Variants in POM121C observed in about 807,000 individuals in gnomAD.
POM121C encodes the protein nuclear envelope pore membrane protein POM 121C.
In POM121C, 20 loss-of-function variants were observed where a neutral mutation model predicts 66.4. The observed-to-expected ratio is 0.30, with a 90% CI of 0.21 to 0.44. The LOEUF is 0.44. Ranked by LOEUF, POM121C falls within the 20% of genes least tolerant of loss-of-function variation. The probability of loss-of-function intolerance (pLI) is 1.00; values close to 1 mark genes in which losing one functional copy is unlikely to be tolerated. For missense variants in POM121C, 580 were observed against 1,225.7 expected (o/e 0.47, Z 7.87); for synonymous variants, 286 against 528.0 (o/e 0.54, Z 6.28).
At chr7:75,459,094 T>C (rs1305259724) in intron 3 of POM121C, among the ~76,000 whole-genome samples, 1 of 147,976 alleles carries the variant, frequency 6.8e-6, no homozygotes, top group African/African-American at 2.5e-5. Context: ...AGAAAAAAAT[T>C]AGTGACCTTG....
chr7:75,427,758 T>C (rs1222894429), intron 7 of POM121C, among the ~76,000 whole-genome samples: 4 of 152,102 alleles, frequency 2.6e-5, no homozygotes, highest in Non-Finnish European at 1.5e-5. Flanking sequence ...AGCTACATCA[T>C]ATAAGTACAA....
intron 3 of POM121C, among the ~76,000 whole-genome samples, chr7:75,466,169 T>G (rs1554477790): frequency 1.3e-5 from 2 of 149,976 alleles, no homozygotes; most frequent in Non-Finnish European, 3.0e-5. Flanking sequence ...CAAAGTAAAC[T>G]TTAGGTAAAT....
At chr7:75,474,634 A>T (rs1792006819) in intron 3 of POM121C, 70 bp downstream of exon 3, 5 of 583,678 alleles carry the variant, frequency 8.6e-6, no homozygotes, top group South Asian at 5.6e-5. Flanking sequence ...AATACATATA[A>T]ACAACTCTTT....
At chr7:75,467,288 T>C (rs1451704744) in intron 3 of POM121C, among the ~76,000 whole-genome samples, 2 of 152,064 alleles carry the variant, frequency 1.3e-5, no homozygotes, top group Admixed American at 6.6e-5. Flanking sequence ...TCCCAGCACT[T>C]TGGGAGGCTG....
intron 3 of POM121C, 124 bp from the exon 4 acceptor site, chr7:75,441,771 G>A: frequency 1.1e-6 from 1 of 943,204 alleles, no homozygotes; most frequent in Non-Finnish European, 1.6e-6. Context: ...ACGCAACACA[G>A]AACACGTTGT....
At chr7:75,439,549 C>T (rs1790548653) in intron 5 of POM121C, among the ~76,000 whole-genome samples, 1 of 152,156 alleles carries the variant, frequency 6.6e-6, no homozygotes, top group Non-Finnish European at 1.5e-5. Flanking sequence ...CCACACCTGG[C>T]TAATTTCTTA....
chr7:75,448,021 C>T (rs1228676358), intron 3 of POM121C, among the ~76,000 whole-genome samples: 3 of 134,998 alleles, frequency 2.2e-5, no homozygotes, highest in African/African-American at 7.9e-5. Flanking sequence ...TAGACTCCGT[C>T]TCAAAAAAAA....
chr7:75,454,943 G>A (rs1270384308), intron 3 of POM121C, among the ~76,000 whole-genome samples: 1 of 152,154 alleles, frequency 6.6e-6, no homozygotes, highest in East Asian at 1.9e-4. Flanking sequence ...TTATACCTTG[G>A]ATTGAATGGT....
At position 75,417,945 on chromosome 7, in the gene POM121C, G is replaced by A. The variant is rs1789537567; in HGVS notation, c.*851C>T. 1.0e-6 allele frequency: 1 copy of A among 985,292 alleles called. No homozygotes were observed. The highest frequency in any genetic ancestry group is 4.7e-5 in the South Asian group (1 of 21,286). The allele number at this position is 985,292 out of a possible 1,614,324, so 61.0% of individuals were successfully genotyped here. ...GCAATACACAGAGCGTCAGACAAAG[G>A]AACACAGGACAAGGCTTGAAACATA... On this transcript the variant is annotated 3_prime_UTR_variant, in exon 15 of 15. Transcript: ENST00000615331.
chr7:75,446,761 G>A (rs1790823926), intron 3 of POM121C, among the ~76,000 whole-genome samples: 1 of 152,084 alleles, frequency 6.6e-6, no homozygotes, highest in African/African-American at 2.4e-5. Context: ...TGTAATCCCA[G>A]CACTTTGGGG....
chr7:75,420,012 C>T (rs1789629661), intron 13 of POM121C: 1 of 153,416 alleles, frequency 6.5e-6, no homozygotes, highest in East Asian at 1.9e-4. Flanking sequence ...GCTGCTTCCA[C>T]ACAGTTTCTC....
chr7:75,478,710 A>G (rs1235950990), intron 1 of POM121C, among the ~76,000 whole-genome samples: 2 of 139,464 alleles, frequency 1.4e-5, no homozygotes, highest in African/African-American at 5.4e-5. Context: ...CAGAAGTTAC[A>G]TAAAATGAAA....
intron 7 of POM121C, among the ~76,000 whole-genome samples, chr7:75,430,711 A>G (rs1288656768): frequency 3.9e-5 from 6 of 152,210 alleles, no homozygotes; most frequent in African/African-American, 1.4e-4. Flanking sequence ...TAACACATAC[A>G]TGACAGAGAG....
Position 75,439,355 on chromosome 7 carries a change from T to C in POM121C, c.228-131A>G, listed in dbSNP as rs1790540642. On this transcript the variant is annotated intron_variant, in intron 5 of 14. Coordinates refer to ENST00000615331, the MANE Select transcript of POM121C (RefSeq NM_001099415.3). The stretch of plus-strand genomic sequence containing the variant: ...GATTCCATGCTAGACCAGAAAATGG[T>C]TGTTTAAAATCCCTAAGTTTCTGAA... 20 of 1,340,994 alleles carry C rather than the reference T, an allele frequency of 1.5e-5. No homozygotes were observed. The South Asian group carries it at 2.8e-4, about 19-fold the overall frequency. 83.1% of individuals were successfully genotyped at this position (1,340,994 alleles called of 1,614,324 possible).
At position 75,421,679 on chromosome 7, in the gene POM121C, G is replaced by A. The variant is rs782640977; in HGVS notation, c.2573C>T (p.Ser858Phe). 6.2e-6 allele frequency: 10 copies of A among 1,610,480 alleles called. No homozygotes were observed. Among genetic ancestry groups the A allele is most frequent in the African/African-American group, 1.3e-5 (1 of 74,932 alleles). ...SFGINVATPG[S>F]SATTGAFSFG... is the part of the protein sequence containing the mutation. ...GCTGAAAGCTCCGGTGGTGGCGCTG[G>A]AGCCTGGGGTGGCCACGTTGATCCC... The change falls in exon 13 of 15, where the codon TCC (serine) becomes TTC (phenylalanine). Residue 858 changes from serine to phenylalanine, a missense_variant. Ser to Phe is a radical substitution (Grantham distance 155). Transcript: ENST00000615331.
At position 75,421,597 on chromosome 7, in the gene POM121C, T is replaced by G; in HGVS notation, c.2655A>C (p.Leu885Phe). The change falls in exon 13 of 15, where the codon TTA (leucine) becomes TTC (phenylalanine). Residue 885 changes from leucine (L) to phenylalanine (F), a missense_variant. Transcript: ENST00000615331. ...CGGTGGTGCCCAGGGCGTTCTGACC[T>G]AAGCCCCCTGTGAAGGGGGTGGAGG... Reference protein sequence around the residue: ...TATSTPFTGGLGQNALGTTGQ... With the variant: ...TATSTPFTGGFGQNALGTTGQ... 6.2e-7 allele frequency: 1 copy of G among 1,613,454 alleles called. No individual in the cohort carries two copies. Among genetic ancestry groups the G allele is most frequent in the Non-Finnish European group, 8.5e-7 (1 of 1,179,802 alleles).
At position 75,437,501 on chromosome 7, in the gene POM121C, A is replaced by C; in HGVS notation, c.480+14T>G. ...GAATTCATGCCCCCCACATTACAAGAGCTGTACTTGTACCTGTGAGATGCC... is the reference window on the plus strand; with the variant it reads ...GAATTCATGCCCCCCACATTACAAGCGCTGTACTTGTACCTGTGAGATGCC... On this transcript the variant is annotated intron_variant, in intron 7 of 14. Transcript: ENST00000615331. 6.2e-7 allele frequency: 1 copy of C among 1,604,374 alleles called. No individual in the cohort carries two copies. Among genetic ancestry groups the C allele is most frequent in the Non-Finnish European group, 8.5e-7 (1 of 1,173,282 alleles).
rs587712612 is a variant in POM121C, at chr7:75,467,480, C to T, written c.-152+7224G>A. Among the ~76,000 whole-genome samples the T allele has an allele frequency of 2.8e-4, 37 of 131,784 alleles. No individual in the cohort carries two copies. In the Admixed American group the frequency reaches 3.1e-3, roughly 11 times the overall value. The allele number at this position is 131,784 out of a possible 152,430, so 86.5% of individuals were successfully genotyped here. ...CCTGGAGGCGGAGCTTGCAGTGAGC[C>T]GAGAATGCGCCACTGCACTCCAGCC... On this transcript the variant is annotated intron_variant, in intron 3 of 14. Transcript: ENST00000615331.
At chr7:75,438,386 G>C (rs1554473317) in intron 6 of POM121C, among the ~76,000 whole-genome samples, 1 of 152,112 alleles carries the variant, frequency 6.6e-6, no homozygotes, top group Non-Finnish European at 1.5e-5. Context: ...TGGTTTTTTG[G>C]AGACCATTGT....
Sources: allele counts gnomAD v4.1 joint callset (sites outside exome capture counted in the v4.1 genomes callset), GRCh38; gene constraint gnomAD v4.1.1; transcripts MANE v1.5; gene names NCBI Gene and HGNC (gene_info 2026-07-23, HGNC 2026-07-21).